Variants in DIAPH2 observed in about 807,000 individuals in gnomAD.
DIAPH2 encodes diaphanous related formin 2.
A neutral mutation model predicts 92.7 loss-of-function variants in DIAPH2; 35 were observed. The observed-to-expected ratio is 0.38, with a 90% confidence interval of 0.29 to 0.50. The LOEUF (loss-of-function observed/expected upper bound fraction) is 0.50, where lower values mean the gene tolerates loss of function less well. DIAPH2 is among the 20% of genes least tolerant of loss of function. The pLI is 0.94. For synonymous variants in DIAPH2, 301 were observed against 280.4 expected (o/e 1.07, Z -0.73); for missense variants, 701 against 819.5 (o/e 0.86, Z 1.77).
intron 22 of DIAPH2, among the ~76,000 whole-genome samples, chrX:97,171,291 T>G (rs761146264): frequency 8.9e-6 from 1 of 112,675 alleles, no homozygotes; most frequent in African/African-American, 3.2e-5. Context: ...ATCCTATTAT[T>G]AGGCACTTTT....
At chrX:97,187,281 C>CTTTTTTTTTGTTTT (rs2067613577) in intron 22 of DIAPH2, among the ~76,000 whole-genome samples, 1 of 36,889 alleles carries the variant, frequency 2.7e-5, no homozygotes, top group African/African-American at 1.0e-4. Context: ...ATTAAGTAGC[C>CTTTTTTTTTGTTTT]TTTTTTTTTT....
intron 25 of DIAPH2, among the ~76,000 whole-genome samples, chrX:97,384,708 A>C (rs2069582511): frequency 9.1e-6 from 1 of 109,830 alleles, no homozygotes; most frequent in African/African-American, 3.3e-5. Context: ...TCTACAAAAA[A>C]TACAAAAATT....
At chrX:97,025,529 G>A (rs1319739301) in intron 17 of DIAPH2, among the ~76,000 whole-genome samples, 1 of 109,727 alleles carries the variant, frequency 9.1e-6, no homozygotes, top group Admixed American at 9.7e-5. Flanking sequence ...GCGGGCCCCT[G>A]TAGTCCCAGC....
chrX:97,457,203 T>C (rs1172391039), intron 26 of DIAPH2, among the ~76,000 whole-genome samples: 3 of 111,439 alleles, frequency 2.7e-5, no homozygotes, highest in Non-Finnish European at 5.6e-5. Flanking sequence ...GTGTTTTTAG[T>C]AGAGACGGGG....
chrX:96,940,045 C>T (rs538784587), intron 12 of DIAPH2, among the ~76,000 whole-genome samples: 2 of 109,911 alleles, frequency 1.8e-5, no homozygotes, highest in South Asian at 3.9e-4. Context: ...GGTACTCCAG[C>T]GACAGGACTT....
intron 17 of DIAPH2, among the ~76,000 whole-genome samples, chrX:97,013,182 C>T (rs1458946850): frequency 5.4e-5 from 6 of 112,010 alleles, no homozygotes; most frequent in Admixed American, 9.5e-5. Flanking sequence ...TGAGGTATGG[C>T]GTGTTCACTG....
intron 24 of DIAPH2, among the ~76,000 whole-genome samples, chrX:97,375,410 C>A (rs1423708080): frequency 1.8e-5 from 2 of 110,705 alleles, no homozygotes; most frequent in Non-Finnish European, 3.8e-5. Flanking sequence ...GAGCCAAGAT[C>A]GTGCCATTGC....
At chrX:97,428,535 C>CAA (rs560564728) in intron 25 of DIAPH2, among the ~76,000 whole-genome samples, 4 of 74,056 alleles carry the variant, frequency 5.4e-5, no homozygotes, top group African/African-American at 2.0e-4. Flanking sequence ...AACTCTGTCT[C>CAA]AAAAAAAAAA....
chrX:97,316,921 C>T (rs2068845734), intron 23 of DIAPH2, among the ~76,000 whole-genome samples: 1 of 111,515 alleles, frequency 9.0e-6, no homozygotes. Flanking sequence ...TAGATGTGCA[C>T]TAGCTTCCAT....
intron 26 of DIAPH2, among the ~76,000 whole-genome samples, chrX:97,562,455 G>A (rs995190223): frequency 2.7e-5 from 3 of 109,999 alleles, no homozygotes; most frequent in African/African-American, 6.6e-5. Flanking sequence ...GCAGTGAACC[G>A]AGATCGCGCC....
chrX:96,921,194 G>A (rs1380248588), intron 9 of DIAPH2, among the ~76,000 whole-genome samples: 1 of 110,798 alleles, frequency 9.0e-6, no homozygotes, highest in Non-Finnish European at 1.9e-5. Context: ...CCCCCTTTTT[G>A]GGGTTTTAAA....
chrX:97,404,756 G>A (rs1398218067), intron 25 of DIAPH2, among the ~76,000 whole-genome samples: 1 of 112,032 alleles, frequency 8.9e-6, no homozygotes, highest in African/African-American at 3.2e-5. Context: ...AAGTCATGCT[G>A]ACGTTCTCTT....
At chrX:97,060,675 A>G (rs1208265157) in intron 17 of DIAPH2, among the ~76,000 whole-genome samples, 1 of 112,011 alleles carries the variant, frequency 8.9e-6, no homozygotes, top group Non-Finnish European at 1.9e-5. Context: ...TGGCTACAAA[A>G]TTAATAAGAG....
intron 26 of DIAPH2, among the ~76,000 whole-genome samples, chrX:97,560,045 C>T (rs142571835): frequency 0.011 from 1,243 of 111,909 alleles, 20 homozygotes; most frequent in African/African-American, 0.039. Context: ...TCAAATTTCA[C>T]GGTCTCTGTG....
intron 20 of DIAPH2, among the ~76,000 whole-genome samples, chrX:97,114,330 A>G (rs1370948013): frequency 2.7e-5 from 3 of 111,938 alleles, no homozygotes; most frequent in Non-Finnish European, 5.6e-5. Context: ...TTCTGTCATC[A>G]TGTACATCTT....
rs187494412 is a variant in DIAPH2, at chrX:96,687,149, A to G, written c.132+1959A>G. On this transcript the variant is annotated intron_variant, in intron 1 of 26. Coordinates refer to ENST00000324765, the MANE Select transcript of DIAPH2 (RefSeq NM_006729.5). The stretch of plus-strand genomic sequence containing the variant: ...GAAGAGTAAGAACTATGGCATTACA[A>G]AAGATAGAAAGTAAAGGAAAGAATA... Among the ~76,000 whole-genome samples the G allele has an allele frequency of 6.2e-5, 7 of 112,213 alleles. No homozygotes were observed. In the East Asian group the frequency reaches 2.0e-3, roughly 31 times the overall value.
intron 25 of DIAPH2, among the ~76,000 whole-genome samples, chrX:97,391,157 GAAT>G (rs2069655605): frequency 9.0e-6 from 1 of 111,498 alleles, no homozygotes; most frequent in Non-Finnish European, 1.9e-5. Context: ...GAAAGAGTAA[GAAT>G]AATAGAGTTG....
At chrX:96,894,509 C>A (rs191513235) in intron 5 of DIAPH2, among the ~76,000 whole-genome samples, 1 of 111,460 alleles carries the variant, frequency 9.0e-6, no homozygotes, top group Non-Finnish European at 1.9e-5. Flanking sequence ...AATTTTTCTT[C>A]GATATAGAGA....
intron 4 of DIAPH2, among the ~76,000 whole-genome samples, chrX:96,850,294 G>C: frequency 8.9e-6 from 1 of 112,062 alleles, no homozygotes; most frequent in Non-Finnish European, 1.9e-5. Context: ...GCTAGATGAT[G>C]ATGATAATAA....
Sources: gnomAD v4.1 joint callset for allele counts (sites outside exome capture counted in the v4.1 genomes callset) on GRCh38, gnomAD v4.1.1 for gene constraint, MANE v1.5 for transcripts, NCBI Gene and HGNC (gene_info 2026-07-23, HGNC 2026-07-21) for gene names.